The following PRDM16 variants were observed in gnomAD, a reference collection of about 807,000 sequenced individuals.
PRDM16 encodes the protein PR/SET domain 16.
PRDM16 carries 23 observed loss-of-function variants against 110.6 expected under a neutral mutation model. The observed-to-expected ratio is 0.21, with a 90% CI of 0.15 to 0.29. PRDM16 has a LOEUF of 0.29. Ranked by LOEUF, PRDM16 falls within the 10% of genes least tolerant of loss-of-function variation. PRDM16 has a pLI of 1.00. For synonymous variants in PRDM16, 799 were observed against 781.8 expected (o/e 1.02, Z -0.37); for missense variants, 1,615 against 1,794.3 (o/e 0.90, Z 1.81).
intron 3 of PRDM16, among the ~76,000 whole-genome samples, chr1:3,305,299 A>G (rs922418608): frequency 1.3e-5 from 2 of 152,224 alleles, no homozygotes; most frequent in African/African-American, 2.4e-5. Context: ...CCACACGTGC[A>G]GAGTCCGGCA....
At chr1:3,430,294 A>G (rs1638730309) in intron 14 of PRDM16, among the ~76,000 whole-genome samples, 1 of 152,170 alleles carries the variant, frequency 6.6e-6, no homozygotes, top group Non-Finnish European at 1.5e-5. Context: ...CCCTGAGGGA[A>G]GTCAGGAGAG....
At position 3,074,412 on chromosome 1, in the gene PRDM16, TGTGTGTGTGTGTGTGTGCGC is replaced by T. The variant is rs1641843483; in HGVS notation, c.37+5128_37+5147del. 3.3e-5 allele frequency among the ~76,000 whole-genome samples: 5 copies of T among 150,452 alleles called. No individual in the cohort carries two copies. In the South Asian group the frequency reaches 1.1e-3, roughly 32 times the overall value. On this transcript the variant is annotated intron_variant, in intron 1 of 16. Transcript: ENST00000270722. ...GCCGTTAATTCCATAGGGTTTTTTCTGTGTGTGTGTGTGTGTGCGCGTGTGTGTGTGCGTGTCAGGGTTTA... is the reference window on the plus strand; with the variant it reads ...GCCGTTAATTCCATAGGGTTTTTTCTGTGTGTGTGTGCGTGTCAGGGTTTA...
At chr1:3,234,612 G>A (rs1352272852) in intron 2 of PRDM16, among the ~76,000 whole-genome samples, 1 of 152,214 alleles carries the variant, frequency 6.6e-6, no homozygotes, top group Non-Finnish European at 1.5e-5. Flanking sequence ...GGCCCCCGCA[G>A]GCTGGATGGC....
intron 3 of PRDM16, among the ~76,000 whole-genome samples, chr1:3,352,810 C>T (rs922811734): frequency 6.6e-6 from 1 of 152,180 alleles, no homozygotes; most frequent in Non-Finnish European, 1.5e-5. Flanking sequence ...TCATCCCCCT[C>T]CCAAATTTCA....
chr1:3,105,340 G>T (rs1642629173), intron 1 of PRDM16, among the ~76,000 whole-genome samples: 4 of 152,234 alleles, frequency 2.6e-5, no homozygotes, highest in Admixed American at 2.6e-4. Context: ...AGAGGCTTCG[G>T]TCTGCACTGC....
intron 1 of PRDM16, among the ~76,000 whole-genome samples, chr1:3,165,088 GC>G (rs1557495335): frequency 1.3e-5 from 2 of 152,236 alleles, no homozygotes. Context: ...GGAGCTCCGG[GC>G]CCCCCTCTGC....
At chr1:3,363,601 T>C (rs1011213469) in intron 3 of PRDM16, among the ~76,000 whole-genome samples, 1 of 152,130 alleles carries the variant, frequency 6.6e-6, no homozygotes, top group East Asian at 1.9e-4. Flanking sequence ...CCTGCCTTGA[T>C]TTCATGAGCA....
intron 3 of PRDM16, among the ~76,000 whole-genome samples, chr1:3,366,157 G>A (rs1375344138): frequency 1.3e-5 from 2 of 152,220 alleles, no homozygotes; most frequent in African/African-American, 4.8e-5. Context: ...CCGATGTGCC[G>A]ACAGCCGGAG....
intron 3 of PRDM16, among the ~76,000 whole-genome samples, chr1:3,305,441 C>T (rs1371416316): frequency 6.6e-6 from 1 of 152,156 alleles, no homozygotes; most frequent in Admixed American, 6.5e-5. Flanking sequence ...ACCTAGGGCC[C>T]GATCCATGGT....
chr1:3,332,509 G>A (rs1033038350), intron 3 of PRDM16, among the ~76,000 whole-genome samples: 1 of 152,050 alleles, frequency 6.6e-6, no homozygotes, highest in Admixed American at 6.5e-5. Flanking sequence ...TTTATGGGCT[G>A]TTGTTTTTTT....
rs1453925652 is a variant in PRDM16, at chr1:3,350,316, AC to A, written c.439-34833del. On this transcript the variant is annotated intron_variant, in intron 3 of 16. Coordinates refer to ENST00000270722, the MANE Select transcript of PRDM16 (RefSeq NM_022114.4). This position sits in a 1 kb window ranked among gnomAD's most constrained non-coding sequence, Gnocchi z 7.1. Reference sequence around the variant, plus strand: ...ACTCCAGCCTGGGCGAGAGAGTGAGACCCTGTCTCAAAAAAATGAAAAGAAA... The same window carrying A: ...ACTCCAGCCTGGGCGAGAGAGTGAGACCTGTCTCAAAAAAATGAAAAGAAA... 1.3e-5 allele frequency among the ~76,000 whole-genome samples: 2 copies of A among 152,042 alleles called. No individual in the cohort carries two copies. Among genetic ancestry groups the A allele is most frequent in the Non-Finnish European group, 2.9e-5 (2 of 68,022 alleles).
intron 1 of PRDM16, among the ~76,000 whole-genome samples, chr1:3,180,900 A>G (rs36042320): frequency 0.41 from 58,075 of 141,748 alleles, 12,974 homozygotes; most frequent in Non-Finnish European, 0.55. Context: ...GGCCTCACAC[A>G]CGCAGTCTTA....
chr1:3,135,095 C>T (rs1378303028), intron 1 of PRDM16, among the ~76,000 whole-genome samples: 1 of 152,240 alleles, frequency 6.6e-6, no homozygotes, highest in Middle Eastern at 3.2e-3. Context: ...AGGGCACTTT[C>T]CTCGGGAGCT....
intron 3 of PRDM16, among the ~76,000 whole-genome samples, chr1:3,316,852 C>G (rs1372043395): frequency 6.6e-6 from 1 of 152,200 alleles, no homozygotes; most frequent in Non-Finnish European, 1.5e-5. Context: ...AGGCAGGAAA[C>G]AGTGACACAG....
chr1:3,154,513 G>A (rs188015632), intron 1 of PRDM16, among the ~76,000 whole-genome samples: 167 of 152,364 alleles, frequency 1.1e-3, no homozygotes, highest in African/African-American at 3.8e-3. Context: ...CCCGCCTCCA[G>A]GAATGGCCTT....
At chr1:3,197,606 A>G (rs1406120609) in intron 2 of PRDM16, among the ~76,000 whole-genome samples, 1 of 152,256 alleles carries the variant, frequency 6.6e-6, no homozygotes. Flanking sequence ...AGACTGAAGA[A>G]TCTACAGTAC....
intron 3 of PRDM16, among the ~76,000 whole-genome samples, chr1:3,310,257 A>C (rs1161917254): frequency 6.6e-6 from 1 of 151,924 alleles, no homozygotes; most frequent in Non-Finnish European, 1.5e-5. Context: ...TGCCCGGCAC[A>C]CTCTGGGGCC....
intron 2 of PRDM16, among the ~76,000 whole-genome samples, chr1:3,187,551 G>A (rs976265599): frequency 3.3e-5 from 5 of 152,196 alleles, no homozygotes; most frequent in African/African-American, 1.2e-4. Context: ...AGGCCGTGGG[G>A]AGGTTCCTGT....
Position 3,353,927 on chromosome 1 carries a change from C to T in PRDM16, c.439-31225C>T, listed in dbSNP as rs569038858. Among the ~76,000 whole-genome samples, 1 of 152,258 alleles carries T rather than the reference C, an allele frequency of 6.6e-6. No individual in the cohort carries two copies. The highest frequency in any genetic ancestry group is 2.1e-4 in the South Asian group (1 of 4,818). ...GGCCCTTGGCACACACATGTGGATG[C>T]AGGGCTGCCCACCCAACACTGCTGA... On this transcript the variant is annotated intron_variant, in intron 3 of 16. Coordinates refer to ENST00000270722, the MANE Select transcript of PRDM16 (RefSeq NM_022114.4). The surrounding 1 kb of genome is among the most constrained non-coding windows in gnomAD (Gnocchi z 5.4).
Sources: allele counts gnomAD v4.1 joint callset (sites outside exome capture counted in the v4.1 genomes callset), GRCh38; gene constraint gnomAD v4.1.1; non-coding constraint Gnocchi (gnomAD v3.1); transcripts MANE v1.5; gene names NCBI Gene and HGNC (gene_info 2026-07-23, HGNC 2026-07-21).